The following TTC29 variants were observed in gnomAD, a reference collection of about 807,000 sequenced individuals.
TTC29 encodes the protein tetratricopeptide repeat protein 29.
In TTC29, 49 loss-of-function variants were observed where a neutral mutation model predicts 58.1. That is an observed-to-expected ratio of 0.84 (90% confidence interval 0.67 to 1.07). TTC29 has a LOEUF of 1.07. Among genes scored for constraint, TTC29 ranks in the 50% least tolerant of loss-of-function variants. The pLI is 0.00. For synonymous variants in TTC29, 209 were observed against 196.8 expected (o/e 1.06, Z -0.52); for missense variants, 582 against 555.6 (o/e 1.05, Z -0.48).
chr4:146,801,732 T>C (rs1229717298), intron 11 of TTC29, among the ~76,000 whole-genome samples: 1 of 151,002 alleles, frequency 6.6e-6, no homozygotes, highest in Non-Finnish European at 1.5e-5. Context: ...ATCCCAGCAG[T>C]TTGGGAGGCC....
At chr4:146,764,205 A>G (rs143471162) in intron 11 of TTC29, 13 of 152,224 alleles carry the variant, frequency 8.5e-5, no homozygotes, top group Non-Finnish European at 1.5e-4. Context: ...CCATTTCAAG[A>G]GTGGTATAGG....
At chr4:146,803,747 C>T in intron 10 of TTC29, 62 bp from the exon 11 acceptor site, 1 of 1,365,060 alleles carries the variant, frequency 7.3e-7, no homozygotes, top group Non-Finnish European at 9.8e-7. Context: ...CACATATTTT[C>T]TGACCTTACC....
chr4:146,846,959 A>G (rs552676327), intron 8 of TTC29, among the ~76,000 whole-genome samples: 1 of 152,284 alleles, frequency 6.6e-6, no homozygotes, highest in African/African-American at 2.4e-5. Context: ...GTAAACCCTA[A>G]TTTAGATCCA....
At chr4:146,798,276 A>G (rs1749964207) in intron 11 of TTC29, among the ~76,000 whole-genome samples, 1 of 152,108 alleles carries the variant, frequency 6.6e-6, no homozygotes, top group African/African-American at 2.4e-5. Flanking sequence ...ACAGCGGGGG[A>G]TAGGGTAGGG....
In TTC29 at chr4:146,707,181, C is replaced by T. The variant is rs1377125745; in HGVS notation, c.1405G>A (p.Gly469Ser). The T allele has an allele frequency of 9.2e-6, 14 of 1,514,512 alleles. No individual in the cohort carries two copies. Among genetic ancestry groups the T allele is most frequent in the Admixed American group, 8.3e-5 (4 of 48,318 alleles). 93.8% of individuals were successfully genotyped at this position (1,514,512 alleles called of 1,614,324 possible). A position where few individuals can be genotyped will look rare whatever the true frequency, so the allele number is the denominator to read the frequency against. The change falls in exon 13 of 13, where the codon GGT becomes AGT. Residue 469 changes from glycine (G) to serine (S), a missense_variant. Transcript: ENST00000325106. ...ERLEELSRFP[G>S]DQKNET ...CTTTAAGTTTCATTTTTTTGATCACCTGGAAACCTGAAATAAAATAAATTA... is the reference window on the plus strand; with the variant it reads ...CTTTAAGTTTCATTTTTTTGATCACTTGGAAACCTGAAATAAAATAAATTA...
intron 5 of TTC29, among the ~76,000 whole-genome samples, chr4:146,905,938 T>C (rs1050893244): frequency 1.3e-5 from 2 of 152,184 alleles, no homozygotes; most frequent in African/African-American, 4.8e-5. Flanking sequence ...CTGTGGAATT[T>C]TGCCTTAGAA....
chr4:146,788,083 C>A (rs1749163083), intron 11 of TTC29, among the ~76,000 whole-genome samples: 1 of 152,180 alleles, frequency 6.6e-6, no homozygotes, highest in South Asian at 2.1e-4. Context: ...CCTGAGAGAC[C>A]TGAGGATTCA....
At chr4:146,870,648 A>T (rs944685068) in intron 7 of TTC29, among the ~76,000 whole-genome samples, 1 of 151,988 alleles carries the variant, frequency 6.6e-6, no homozygotes, top group Non-Finnish European at 1.5e-5. Context: ...ATCAAGAATG[A>T]AAAAAGGTAA....
chr4:146,799,209 CATT>C (rs1750039465), intron 11 of TTC29, among the ~76,000 whole-genome samples: 1 of 152,090 alleles, frequency 6.6e-6, no homozygotes, highest in Admixed American at 6.6e-5. Context: ...GTTATGAAAA[CATT>C]ATTAAAGACA....
chr4:146,769,687 T>G (rs1579631898), intron 11 of TTC29, among the ~76,000 whole-genome samples: 1 of 152,166 alleles, frequency 6.6e-6, no homozygotes, highest in African/African-American at 2.4e-5. Flanking sequence ...ATTTTAGTTA[T>G]ACTTTGGGCC....
rs376367844 is a variant in TTC29 at position 146,909,074 on chromosome 4, C to A, written c.352G>T (p.Asp118Tyr). The A allele has an allele frequency of 2.5e-5, 41 of 1,613,904 alleles. No individual in the cohort carries two copies. Among genetic ancestry groups the A allele is most frequent in the East Asian group, 1.6e-4 (7 of 44,860 alleles). ...KPLEEQPDKL[D>Y]YLYHYLTRAE... ...CTGGTCAGGTAATGGTACAGGTAATCCAGTTTATCAGGCTGCTCCTCCAGG... is the reference window on the plus strand; with the variant it reads ...CTGGTCAGGTAATGGTACAGGTAATACAGTTTATCAGGCTGCTCCTCCAGG... Residue 118 changes from aspartate (D) to tyrosine (Y), a missense_variant, in exon 5 of 13, where the codon GAT (aspartate) becomes TAT (tyrosine). By Grantham distance (160) the Asp-to-Tyr change is radical. Transcript: ENST00000325106.
At chr4:146,832,393 G>A (rs566959234) in intron 9 of TTC29, among the ~76,000 whole-genome samples, 97 of 152,232 alleles carry the variant, frequency 6.4e-4, no homozygotes, top group African/African-American at 2.3e-3. Context: ...AGTTACCAAT[G>A]TTTATTTAGA....
At chr4:146,737,602 G>T (rs113849951) in intron 11 of TTC29, among the ~76,000 whole-genome samples, 10 of 138,884 alleles carry the variant, frequency 7.2e-5, no homozygotes, top group South Asian at 2.4e-4. Flanking sequence ...GGGGGGGGGG[G>T]GCTACAAACG....
chr4:146,893,288 A>G (rs1732511175), intron 6 of TTC29, among the ~76,000 whole-genome samples: 1 of 152,164 alleles, frequency 6.6e-6, no homozygotes, highest in Non-Finnish European at 1.5e-5. Flanking sequence ...CTATACTACA[A>G]GGCTACAGTA....
chr4:146,754,140 A>T (rs56111915), intron 11 of TTC29, among the ~76,000 whole-genome samples: 19,041 of 150,302 alleles, frequency 0.13, 1,953 homozygotes, highest in African/African-American at 0.28. Context: ...TTATATATTT[A>T]AAAAAAAAGA....
intron 11 of TTC29, among the ~76,000 whole-genome samples, chr4:146,781,859 T>C (rs911628421): frequency 6.6e-6 from 1 of 151,912 alleles, no homozygotes; most frequent in Non-Finnish European, 1.5e-5. Flanking sequence ...TATGCGTGCA[T>C]GGAGTATGAA....
At chr4:146,829,861 G>A (rs2150152969) in intron 9 of TTC29, among the ~76,000 whole-genome samples, 1 of 152,232 alleles carries the variant, frequency 6.6e-6, no homozygotes, top group East Asian at 1.9e-4. Flanking sequence ...ACATATTTTT[G>A]TGAATGTTTT....
rs530261094 is a variant in TTC29 at position 146,813,628 on chromosome 4, A to G, written c.1101+6497T>C. On this transcript the variant is annotated intron_variant, in intron 10 of 12. Transcript: ENST00000325106. ...TGCAGGAGTAATATGAAGCCAGAAA[A>G]TATTGGGTTTGCTTTTAAAGTTTCA... Among the ~76,000 whole-genome samples the G allele has an allele frequency of 8.2e-4, 125 of 152,310 alleles. 1 individual carries two copies. Among genetic ancestry groups the G allele is most frequent in the African/African-American group, 2.9e-3 (119 of 41,576 alleles).
chr4:146,759,036 A>C (rs1198859626), intron 11 of TTC29, among the ~76,000 whole-genome samples: 12 of 152,104 alleles, frequency 7.9e-5, no homozygotes, highest in Admixed American at 7.9e-4. Context: ...ACAAAACATA[A>C]AGGAAACAAA....
Sources: allele counts gnomAD v4.1 joint callset (sites outside exome capture counted in the v4.1 genomes callset), GRCh38; gene constraint gnomAD v4.1.1; transcripts MANE v1.5; gene names NCBI Gene and HGNC (gene_info 2026-07-23, HGNC 2026-07-21).